The following CADPS2 variants were observed in gnomAD, a reference collection of about 807,000 sequenced individuals.
CADPS2 encodes calcium-dependent secretion activator 2.
Under a neutral mutation model 172.5 loss-of-function variants are expected in CADPS2, and 93 were observed. The observed-to-expected ratio is 0.54, with a 90% CI of 0.46 to 0.64. The LOEUF is 0.64. Ranked by LOEUF, CADPS2 falls within the 30% of genes least tolerant of loss-of-function variation. CADPS2 has a pLI of 0.00. For synonymous variants in CADPS2, 546 were observed against 555.2 expected, an observed-to-expected ratio of 0.98 and a Z score of 0.23; for missense variants, 1,420 against 1,565.9, an observed-to-expected ratio of 0.91 and a Z score of 1.57.
intron 6 of CADPS2, 122 bp downstream of exon 6, chr7:122,615,059 T>C: frequency 2.0e-6 from 1 of 495,714 alleles, no homozygotes; most frequent in South Asian, 4.5e-5. Flanking sequence ...TGAGACAAAG[T>C]TAGCCAAATA....
At chr7:122,659,473 G>A (rs773804001) in intron 3 of CADPS2, among the ~76,000 whole-genome samples, 4 of 152,004 alleles carry the variant, frequency 2.6e-5, no homozygotes, top group Admixed American at 6.6e-5. Context: ...CAAACAGAAC[G>A]GACATCCCAG....
At chr7:122,478,799 T>G (rs2056982271) in intron 12 of CADPS2, among the ~76,000 whole-genome samples, 2 of 152,134 alleles carry the variant, frequency 1.3e-5, no homozygotes, top group African/African-American at 4.8e-5. Flanking sequence ...GAAAGGCATC[T>G]AAGTCAGAGA....
intron 24 of CADPS2, among the ~76,000 whole-genome samples, chr7:122,384,412 AT>A: frequency 6.6e-6 from 1 of 152,174 alleles, no homozygotes; most frequent in Middle Eastern, 3.4e-3. Flanking sequence ...ATGGTTCCAA[AT>A]TGTCTAATGA....
chr7:122,366,750 G>C (rs535010691), intron 25 of CADPS2: 1 of 147,840 alleles, frequency 6.8e-6, no homozygotes, highest in African/African-American at 2.5e-5. Flanking sequence ...CAATACAATT[G>C]TCTCTTTCCC....
chr7:122,645,679 A>ATATATC (rs1554688673), intron 3 of CADPS2, among the ~76,000 whole-genome samples: 6 of 65,406 alleles, frequency 9.2e-5, no homozygotes, highest in Non-Finnish European at 1.5e-4. Flanking sequence ...ATATATATAT[A>ATATATC]TATCTTGGGA....
At chr7:122,795,866 CAGGCAAGAGAAAGCAATAT>C (rs1286478233) in intron 1 of CADPS2, among the ~76,000 whole-genome samples, 2 of 152,096 alleles carry the variant, frequency 1.3e-5, no homozygotes, top group East Asian at 3.9e-4. Flanking sequence ...CCAGGGCTGT[CAGGCAAGAGAAAGCAATAT>C]AGGGCATCCA....
In CADPS2 at chr7:122,614,052, A is replaced by G. The variant is rs78171938; in HGVS notation, c.1223+1129T>C. On this transcript the variant is annotated intron_variant, in intron 6 of 29. Coordinates refer to ENST00000449022, the MANE Select transcript of CADPS2 (RefSeq NM_017954.11). ...ATGCCAAGAAAGCAGCTATACAAAG[A>G]TAAGAGGGAAGATGACTACAAGCAG... Among the ~76,000 whole-genome samples, 1,075 of 152,078 alleles carry G rather than the reference A, an allele frequency of 7.1e-3. 14 individuals are homozygous for G. Among genetic ancestry groups the G allele is most frequent in the East Asian group, 0.034 (174 of 5,136 alleles).
intron 1 of CADPS2, among the ~76,000 whole-genome samples, chr7:122,847,227 C>T (rs1029188276): frequency 1.3e-5 from 2 of 152,198 alleles, no homozygotes; most frequent in Non-Finnish European, 2.9e-5. Context: ...GCTGGGACTA[C>T]AGGCTCATGC....
At position 122,886,107 on chromosome 7, in the gene CADPS2, A is replaced by G. The variant is rs533531842; in HGVS notation, c.231T>C (p.Asp77=). The G allele has an allele frequency of 1.3e-6, 2 of 1,571,444 alleles. No individual in the cohort carries two copies. Among genetic ancestry groups the G allele is most frequent in the African/African-American group, 2.7e-5 (2 of 74,114 alleles). ...GCAGGCGGATCCTCCGCTCCTGCTC[A>G]TCGTCCAGCTGCCGCTGGGGCTCGT... ...GRDEPQRQLD[D]EQERRIRLQL... is the part of the protein sequence containing the mutation. The change falls in exon 1 of 30, where the codon GAT becomes GAC. Residue 77 remains aspartate, a synonymous_variant. Transcript: ENST00000449022.
chr7:122,582,402 T>G (rs898556110), intron 6 of CADPS2, among the ~76,000 whole-genome samples: 1 of 151,724 alleles, frequency 6.6e-6, no homozygotes, highest in Admixed American at 6.6e-5. Context: ...TTTCAATGAC[T>G]GAAGAAACTG....
At position 122,513,305 on chromosome 7, in the gene CADPS2, C is replaced by A; in HGVS notation, c.1486G>T (p.Ala496Ser). The A allele has an allele frequency of 6.4e-7, 1 of 1,558,902 alleles. No individual in the cohort carries two copies. The highest frequency in any genetic ancestry group is 8.7e-7 in the Non-Finnish European group (1 of 1,149,888). Residue 496 changes from alanine to serine, a missense_variant, in exon 9 of 30, where the codon GCC becomes TCC. Transcript: ENST00000449022. ...CTTTTCCAAACCTTCTGTCCAAGGG[C>A]ATACAGATATCTGGAAAGAAAAACA... The part of the protein sequence containing the change: ...AHMKHSGYLY[A>S]LGQKVWKRWK...
intron 1 of CADPS2, among the ~76,000 whole-genome samples, chr7:122,762,057 C>G (rs536100896): frequency 8.7e-6 from 1 of 114,704 alleles, no homozygotes; most frequent in Non-Finnish European, 1.8e-5. Flanking sequence ...CACACACACA[C>G]GTATATTTAT....
chr7:122,324,232 C>A (rs1159065016), intron 29 of CADPS2, among the ~76,000 whole-genome samples: 2 of 151,926 alleles, frequency 1.3e-5, no homozygotes, highest in African/African-American at 4.8e-5. Context: ...GTTCTACTTT[C>A]CAGTAGATTT....
rs202155427 is a variant in CADPS2, at chr7:122,367,539, GTTTTTTTTTTTTTTTT to G, written c.3388-6542_3388-6527del. ...TAACCATATTCTAAACCTTCCCCCA[GTTTTTTTTTTTTTTTT>G]TTTTTTTTTAAGACAGTCTTACTTT... is the stretch of plus-strand genomic sequence containing the variant. On this transcript the variant is annotated intron_variant, in intron 25 of 29. Transcript: ENST00000449022. Among the ~76,000 whole-genome samples, 3 of 100,618 alleles carry G rather than the reference GTTTTTTTTTTTTTTTT, an allele frequency of 3.0e-5. No individual in the cohort carries two copies. In the Admixed American group the frequency reaches 3.7e-4, roughly 13 times the overall value. 66.0% of individuals were successfully genotyped at this position (100,618 alleles called of 152,430 possible).
chr7:122,471,604 C>T, intron 13 of CADPS2, 42 bp from the exon 14 acceptor site: 1 of 1,487,666 alleles, frequency 6.7e-7, no homozygotes. Flanking sequence ...TTTTTTCTTT[C>T]TATACTACGA....
At chr7:122,559,930 T>C (rs531643636) in intron 7 of CADPS2, among the ~76,000 whole-genome samples, 1 of 151,636 alleles carries the variant, frequency 6.6e-6, no homozygotes, top group South Asian at 2.1e-4. Context: ...ATGTACCAAA[T>C]TTAAGGGGGA....
At chr7:122,503,825 G>A (rs1033444049) in intron 9 of CADPS2, among the ~76,000 whole-genome samples, 1 of 152,162 alleles carries the variant, frequency 6.6e-6, no homozygotes, top group Admixed American at 6.5e-5. Flanking sequence ...GGGAAAAAAA[G>A]CCATCTCATA....
Position 122,575,011 on chromosome 7 carries a change from G to C in CADPS2, c.1335+6168C>G, listed in dbSNP as rs59855207. On this transcript the variant is annotated intron_variant, in intron 7 of 29. Coordinates refer to ENST00000449022, the MANE Select transcript of CADPS2 (RefSeq NM_017954.11). ...CTGTAACTTTTGATAAGATGCAACG[G>C]GAAGCACAAAACATTATGTAGGTGG... 7.8e-3 allele frequency among the ~76,000 whole-genome samples: 1,186 copies of C among 151,982 alleles called. 16 individuals carry two copies. The highest frequency in any genetic ancestry group is 0.028 in the African/African-American group (1,148 of 41,450).
chr7:122,664,003 C>G (rs544122874), intron 2 of CADPS2, among the ~76,000 whole-genome samples: 22 of 149,938 alleles, frequency 1.5e-4, no homozygotes, highest in Non-Finnish European at 3.2e-4. Context: ...TGGCTAACAC[C>G]CTGATTTTGG....
Sources: allele counts gnomAD v4.1 joint callset (sites outside exome capture counted in the v4.1 genomes callset), GRCh38; gene constraint gnomAD v4.1.1; transcripts MANE v1.5; gene names NCBI Gene and HGNC (gene_info 2026-07-23, HGNC 2026-07-21).